OSBPL5: variants seen among roughly 807,000 people sequenced by gnomAD.
The protein encoded by OSBPL5 is oxysterol binding protein like 5, also known as oxysterol-binding protein-related protein 5.
OSBPL5 carries 71 observed loss-of-function variants against 111.2 expected under a neutral mutation model. The ratio of observed to expected loss-of-function variants is 0.64; its 90% CI spans 0.53 to 0.78. The LOEUF is 0.78. OSBPL5 is among the 30% of genes least tolerant of loss of function. The pLI is 0.00. For missense variants in OSBPL5, 1,210 were observed against 1,189.3 expected, an observed-to-expected ratio of 1.02 and a Z score of -0.26; for synonymous variants, 549 against 513.9, an observed-to-expected ratio of 1.07 and a Z score of -0.93.
In OSBPL5 at chr11:3,093,530, T is replaced by C. The variant is rs1383215363; in HGVS notation, c.1943A>G (p.Glu648Gly). 6.2e-7 allele frequency: 1 copy of C among 1,608,328 alleles called. No homozygotes were observed. Among genetic ancestry groups the C allele is most frequent in the Non-Finnish European group, 8.5e-7 (1 of 1,179,686 alleles). ...PLEEQTELES[E>G]RLWQHVTRAI... ...CCTGGGCGCTGACAGGCCTCACCTC[T>C]CGGACTCCAGCTCCGTCTGCTCCTC... The change falls in exon 17 of 22, where the codon GAG (glutamate) becomes GGG (glycine). Residue 648 changes from glutamate to glycine, a missense_variant. Glu to Gly is a moderately conservative substitution (Grantham distance 98). Transcript: ENST00000263650.
chr11:3,120,703 CCAGGCA>C, intron 5 of OSBPL5, 79 bp from the exon 6 acceptor site: 1 of 1,516,776 alleles, frequency 6.6e-7, no homozygotes, highest in South Asian at 1.2e-5. Flanking sequence ...TGGCGGGGAG[CCAGGCA>C]CAGACCAGGG....
chr11:3,092,941 C>G lies in OSBPL5; in HGVS notation c.2058G>C (p.Glu686Asp), dbSNP rs1158002740. Residue 686 changes from glutamate (E) to aspartate (D), a missense_variant, in exon 18 of 22, where the codon GAG (glutamate) becomes GAC (aspartate). Transcript: ENST00000263650. The surrounding 1 kb of genome is among the most constrained non-coding windows in gnomAD (Gnocchi z 5.4). ...AQRQRARERQESLMPWKPQLF... is the reference protein window; with the variant it reads ...AQRQRARERQDSLMPWKPQLF... ...GCTGCGGCTTCCAGGGCATGAGGCT[C>G]TCCTGCCGCTCACGGGCCCGCTGCC... 1 of 1,579,596 alleles carries G rather than the reference C, an allele frequency of 6.3e-7. No homozygotes were observed. Among genetic ancestry groups the G allele is most frequent in the African/African-American group, 1.3e-5 (1 of 74,686 alleles).
Position 3,105,520 on chromosome 11 carries a change from G to A in OSBPL5, c.1060-1143C>T, listed in dbSNP as rs538577499. On this transcript the variant is annotated intron_variant, in intron 9 of 21. Transcript: ENST00000263650. The surrounding 1 kb of genome is among the most constrained non-coding windows in gnomAD (Gnocchi z 5.2). ...AATCCTGCTCTGTCCATGTGCTCCC[G>A]TCCCGTCCTCCTTAACCCTCTCCAC... Among the ~76,000 whole-genome samples the A allele has an allele frequency of 2.0e-5, 3 of 152,062 alleles. No individual in the cohort carries two copies. The highest frequency in any genetic ancestry group is 4.4e-5 in the Non-Finnish European group (3 of 67,982).
rs754422164 is a variant in OSBPL5 at position 3,109,823 on chromosome 11, A to G, written c.692-1878T>C. ...TTGTAGCTGCCACAAAGGACTAGACATCCTGAATATTATGCATCCTTTGAA... is the reference window on the plus strand; with the variant it reads ...TTGTAGCTGCCACAAAGGACTAGACGTCCTGAATATTATGCATCCTTTGAA... On this transcript the variant is annotated intron_variant, in intron 7 of 21. Transcript: ENST00000263650. The surrounding 1 kb of genome is among the most constrained non-coding windows in gnomAD (Gnocchi z 7.4). 6.6e-6 allele frequency among the ~76,000 whole-genome samples: 1 copy of G among 152,138 alleles called. No homozygotes were observed. Among genetic ancestry groups the G allele is most frequent in the Non-Finnish European group, 1.5e-5 (1 of 68,012 alleles).
At chr11:3,122,708 G>A (rs1236024837) in intron 3 of OSBPL5, among the ~76,000 whole-genome samples, 2 of 152,222 alleles carry the variant, frequency 1.3e-5, no homozygotes, top group Admixed American at 6.5e-5. Context: ...GGGCAGGGTG[G>A]TCAGGAAGGA....
chr11:3,118,181 T>C (rs968347199), intron 7 of OSBPL5, among the ~76,000 whole-genome samples: 29 of 152,210 alleles, frequency 1.9e-4, no homozygotes, highest in African/African-American at 6.5e-4. Context: ...AAGGAAAATA[T>C]CTTGGGCTCC....
chr11:3,148,549 C>A (rs117034806), intron 1 of OSBPL5, among the ~76,000 whole-genome samples: 1 of 152,212 alleles, frequency 6.6e-6, no homozygotes, highest in Non-Finnish European at 1.5e-5. Flanking sequence ...GGAGACGGGG[C>A]GCTGTCTGGA....
chr11:3,103,756 G>GCCCCATTCCTGC (rs570227138), intron 10 of OSBPL5, among the ~76,000 whole-genome samples: 3 of 56,804 alleles, frequency 5.3e-5, no homozygotes, highest in African/African-American at 1.2e-4. Context: ...CCCTCTTCCA[G>GCCCCATTCCTGC]CTCTGCAGCC....
chr11:3,108,090 G>T, intron 7 of OSBPL5, 145 bp from the exon 8 acceptor site: 1 of 1,026,878 alleles, frequency 9.7e-7, no homozygotes, highest in Non-Finnish European at 1.4e-6. Context: ...CCCTGCCCCA[G>T]CAGGGACATG....
chr11:3,114,591 ATTTT>A (rs59645003), intron 7 of OSBPL5, among the ~76,000 whole-genome samples: 2 of 113,898 alleles, frequency 1.8e-5, no homozygotes, highest in African/African-American at 3.5e-5. Context: ...TAGAACAATG[ATTTT>A]TTTTTTTTTT....
chr11:3,152,740 C>T (rs888697256), intron 1 of OSBPL5, among the ~76,000 whole-genome samples: 2 of 152,034 alleles, frequency 1.3e-5, no homozygotes, highest in Non-Finnish European at 2.9e-5. Context: ...GCGTTTGATA[C>T]ACGCTGCTGG....
chr11:3,116,593 G>A (rs548694133), intron 7 of OSBPL5, among the ~76,000 whole-genome samples: 6 of 152,250 alleles, frequency 3.9e-5, no homozygotes, highest in South Asian at 4.1e-4. Context: ...GGTGGCTCAC[G>A]CCTGTAATCC....
In OSBPL5 at chr11:3,134,704, C is replaced by T. The variant is rs1322452293; in HGVS notation, c.-21-5535G>A. 2.6e-5 allele frequency among the ~76,000 whole-genome samples: 4 copies of T among 152,258 alleles called. No individual in the cohort carries two copies. In the East Asian group the frequency reaches 7.7e-4, roughly 29 times the overall value. On this transcript the variant is annotated intron_variant, in intron 1 of 21. Coordinates refer to ENST00000263650, the MANE Select transcript of OSBPL5 (RefSeq NM_020896.4). Reference sequence around the variant, plus strand: ...CCGAAAGAATGTGCTCTGAGCAGAGCCTCCTCTGCCATGTGGCGGGATGGG... The same window carrying T: ...CCGAAAGAATGTGCTCTGAGCAGAGTCTCCTCTGCCATGTGGCGGGATGGG...
chr11:3,089,535 C>A (rs1034676196), intron 21 of OSBPL5, among the ~76,000 whole-genome samples: 2 of 152,228 alleles, frequency 1.3e-5, no homozygotes. Flanking sequence ...ACCTCAAGGT[C>A]TCTCCTGGGG....
chr11:3,121,992 C>T lies in OSBPL5; in HGVS notation c.402+5G>A. The T allele has an allele frequency of 6.4e-7, 1 of 1,558,556 alleles. No individual in the cohort carries two copies. Among genetic ancestry groups the T allele is most frequent in the Non-Finnish European group, 8.7e-7 (1 of 1,156,064 alleles). ...CTGGGTGGCCGGAGGCCGGGCATCA[C>T]CTACCTTCAGGCTGTCAGCCATGAT... On this transcript the variant is annotated splice_donor_5th_base_variant and intron_variant, in intron 5 of 21. Coordinates refer to ENST00000263650, the MANE Select transcript of OSBPL5 (RefSeq NM_020896.4). This position sits in a 1 kb window ranked among gnomAD's most constrained non-coding sequence, Gnocchi z 4.3.
rs535874417 is a variant in OSBPL5 at position 3,126,945 on chromosome 11, G to C, written c.137-390C>G. Among the ~76,000 whole-genome samples, 13 of 152,312 alleles carry C rather than the reference G, an allele frequency of 8.5e-5. No individual in the cohort carries two copies. In the South Asian group the frequency reaches 2.1e-3, roughly 24 times the overall value. Reference sequence around the variant, plus strand: ...ATGGCAGGTTTGGGGCCCCTGGACTGTGCATCCCCCTGGCTGGATGCTGCC... The same window carrying C: ...ATGGCAGGTTTGGGGCCCCTGGACTCTGCATCCCCCTGGCTGGATGCTGCC... On this transcript the variant is annotated intron_variant, in intron 2 of 21. Transcript: ENST00000263650. This position sits in a 1 kb window ranked among gnomAD's most constrained non-coding sequence, Gnocchi z 6.5.
chr11:3,119,794 G>A, intron 6 of OSBPL5, 163 bp from the exon 7 acceptor site: 1 of 577,370 alleles, frequency 1.7e-6, no homozygotes, highest in Non-Finnish European at 2.9e-6. Context: ...TAGACACTTG[G>A]CTGCAGAGAG....
At chr11:3,095,706 T>C (rs1857232881) in intron 14 of OSBPL5, among the ~76,000 whole-genome samples, 1 of 152,170 alleles carries the variant, frequency 6.6e-6, no homozygotes, top group South Asian at 2.1e-4. Context: ...TTTGAAAATA[T>C]AAAAAACCTG....
chr11:3,092,629 C>G lies in OSBPL5; in HGVS notation c.2133-71G>C. On this transcript the variant is annotated intron_variant, in intron 18 of 21. Coordinates refer to ENST00000263650, the MANE Select transcript of OSBPL5 (RefSeq NM_020896.4). This position sits in a 1 kb window ranked among gnomAD's most constrained non-coding sequence, Gnocchi z 5.4. ...GGTGAGGGGGCTGTCCTGGCCCAGT[C>G]TTCAGCCCCCCAACAGTGGCCAGAG... The G allele has an allele frequency of 2.0e-6, 3 of 1,476,600 alleles. No homozygotes were observed. The South Asian group carries it at 4.0e-5, about 20-fold the overall frequency. 91.5% of individuals were successfully genotyped at this position (1,476,600 alleles called of 1,614,324 possible). A position where few individuals can be genotyped will look rare whatever the true frequency, so the allele number is the denominator to read the frequency against.
Sources: gnomAD v4.1 joint callset for allele counts (sites outside exome capture counted in the v4.1 genomes callset) on GRCh38, gnomAD v4.1.1 for gene constraint, Gnocchi (gnomAD v3.1) non-coding constraint, MANE v1.5 for transcripts, NCBI Gene and HGNC (gene_info 2026-07-23, HGNC 2026-07-21) for gene names.